Variants in ANKFN1 observed in about 807,000 individuals in gnomAD.
ANKFN1 encodes the protein ankyrin repeat and fibronectin type III domain containing 1.
A neutral mutation model predicts 108.7 loss-of-function variants in ANKFN1; 74 were observed. That is an observed-to-expected ratio of 0.68 (90% CI 0.56 to 0.83). ANKFN1 has a LOEUF of 0.83. Among genes scored for constraint, ANKFN1 ranks in the 40% least tolerant of loss-of-function variants. The pLI, the probability that ANKFN1 is intolerant of heterozygous loss-of-function variation, is 0.00. For synonymous variants in ANKFN1, 547 were observed against 516.2 expected, an observed-to-expected ratio of 1.06 and a Z score of -0.81; for missense variants, 1,505 against 1,382.3, an observed-to-expected ratio of 1.09 and a Z score of -1.41.
At chr17:56,232,508 A>T (rs998665226) in intron 3 of ANKFN1, among the ~76,000 whole-genome samples, 5 of 152,174 alleles carry the variant, frequency 3.3e-5, no homozygotes, top group African/African-American at 1.2e-4. Context: ...TGCAAAATAT[A>T]TTTATCCATG....
chr17:56,385,479 T>C (rs1248593041), intron 8 of ANKFN1, among the ~76,000 whole-genome samples: 1 of 152,096 alleles, frequency 6.6e-6, no homozygotes, highest in Non-Finnish European at 1.5e-5. Flanking sequence ...TGGGATCTAA[T>C]TAAACTAAAG....
intron 4 of ANKFN1, among the ~76,000 whole-genome samples, chr17:56,072,220 T>G (rs954397550): frequency 2.6e-5 from 4 of 152,228 alleles, no homozygotes; most frequent in African/African-American, 9.6e-5. Flanking sequence ...TTTCTTCTTA[T>G]TTTTTCAATT....
At chr17:56,496,162 C>T (rs1414083657) in intron 19 of ANKFN1, among the ~76,000 whole-genome samples, 1 of 152,042 alleles carries the variant, frequency 6.6e-6, no homozygotes, top group Non-Finnish European at 1.5e-5. Flanking sequence ...CACAGGCCTC[C>T]CTATACCCAT....
chr17:56,100,797 G>A (rs924000073), intron 4 of ANKFN1, among the ~76,000 whole-genome samples: 5 of 152,186 alleles, frequency 3.3e-5, no homozygotes, highest in Non-Finnish European at 7.3e-5. Context: ...CCAAATTTAG[G>A]ATGTAGTGAA....
At chr17:56,137,447 T>C (rs569764689) in intron 4 of ANKFN1, among the ~76,000 whole-genome samples, 1 of 152,298 alleles carries the variant, frequency 6.6e-6, no homozygotes, top group East Asian at 1.9e-4. Context: ...TAAGCCCTCG[T>C]AGAAACTTCC....
chr17:56,201,527 A>C (rs945275633), intron 1 of ANKFN1, among the ~76,000 whole-genome samples: 2 of 152,226 alleles, frequency 1.3e-5, no homozygotes, highest in African/African-American at 4.8e-5. Context: ...CCAGCAGCAC[A>C]GTGTCTGACA....
chr17:56,293,718 A>G (rs2044431081), intron 3 of ANKFN1, among the ~76,000 whole-genome samples: 1 of 152,216 alleles, frequency 6.6e-6, no homozygotes, highest in Admixed American at 6.5e-5. Flanking sequence ...TTCTACTCTG[A>G]GATTTGATTG....
At chr17:56,429,241 T>C (rs2048673802) in intron 8 of ANKFN1, among the ~76,000 whole-genome samples, 1 of 152,126 alleles carries the variant, frequency 6.6e-6, no homozygotes, top group Non-Finnish European at 1.5e-5. Flanking sequence ...TTGGTAGAAA[T>C]CACTTACTAA....
At chr17:56,149,051 G>T (rs1297866408), upstream of ANKFN1, among the ~76,000 whole-genome samples, 1 of 152,126 alleles carries the variant, frequency 6.6e-6, no homozygotes, top group African/African-American at 2.4e-5. Context: ...ACATAAACTT[G>T]GGTCTGTGTG....
At chr17:56,137,225 A>G (rs1312435643) in intron 4 of ANKFN1, among the ~76,000 whole-genome samples, 1 of 152,254 alleles carries the variant, frequency 6.6e-6, no homozygotes, top group Non-Finnish European at 1.5e-5. Flanking sequence ...GTTTCCCAGC[A>G]GAAAATGTGA....
intron 6 of ANKFN1, among the ~76,000 whole-genome samples, chr17:56,355,480 T>C (rs1035245600): frequency 1.3e-5 from 2 of 151,910 alleles, no homozygotes; most frequent in Admixed American, 6.6e-5. Flanking sequence ...AGAATGATGA[T>C]TGAGAGAGAA....
chr17:56,410,377 G>A (rs376283412), intron 8 of ANKFN1, among the ~76,000 whole-genome samples: 2 of 152,160 alleles, frequency 1.3e-5, no homozygotes, highest in Non-Finnish European at 2.9e-5. Context: ...TTACAGGCAT[G>A]AGCCACCATG....
At chr17:56,481,137 G>C (rs111973770) in intron 17 of ANKFN1, among the ~76,000 whole-genome samples, 1 of 150,022 alleles carries the variant, frequency 6.7e-6, no homozygotes, top group Non-Finnish European at 1.5e-5. Context: ...AGACAACCAG[G>C]CTCAGCTTCA....
intron 3 of ANKFN1, among the ~76,000 whole-genome samples, chr17:56,320,658 G>C (rs11079217): frequency 0.19 from 28,978 of 152,058 alleles, 3,707 homozygotes; most frequent in East Asian, 0.54. Context: ...GGACAAGAAG[G>C]CTTTTCAGAA....
At position 56,374,705 on chromosome 17, in the gene ANKFN1, A is replaced by C. The variant is rs777480201; in HGVS notation, c.901A>C (p.Arg301=). 1 of 1,611,472 alleles carries C rather than the reference A, an allele frequency of 6.2e-7. No homozygotes were observed. Among genetic ancestry groups the C allele is most frequent in the Non-Finnish European group, 8.5e-7 (1 of 1,177,984 alleles). Residue 301 remains arginine, a synonymous_variant, in exon 8 of 21, where the codon AGG becomes CGG. Transcript: ENST00000682825. ...PLSVNAAVVT[R]YKVEWSMSED... Reference sequence around the variant, plus strand: ...TAGCGTCAATGCAGCTGTAGTAACCAGGTATAAAGGTACTGGACCCAAGAC... The same window carrying C: ...TAGCGTCAATGCAGCTGTAGTAACCCGGTATAAAGGTACTGGACCCAAGAC...
intron 19 of ANKFN1, among the ~76,000 whole-genome samples, chr17:56,494,111 G>A (rs1158756012): frequency 3.3e-5 from 5 of 152,096 alleles, no homozygotes; most frequent in Non-Finnish European, 7.4e-5. Flanking sequence ...TGAGATTCGA[G>A]GTGTTTGAAA....
intron 4 of ANKFN1, among the ~76,000 whole-genome samples, chr17:56,096,543 AGAG>A (rs1905538743): frequency 6.6e-6 from 1 of 152,202 alleles, no homozygotes; most frequent in Non-Finnish European, 1.5e-5. Flanking sequence ...GGATAATGGA[AGAG>A]GAACAACAGA....
At chr17:56,238,527 T>G (rs544257052) in intron 3 of ANKFN1, among the ~76,000 whole-genome samples, 1 of 152,292 alleles carries the variant, frequency 6.6e-6, no homozygotes, top group Non-Finnish European at 1.5e-5. Flanking sequence ...CCCTTTACTA[T>G]TATGTAATGC....
chr17:56,412,429 G>A (rs778668861), intron 8 of ANKFN1, among the ~76,000 whole-genome samples: 2 of 152,176 alleles, frequency 1.3e-5, no homozygotes, highest in Admixed American at 6.5e-5. Flanking sequence ...GTCTGTGAGG[G>A]TGTTGCCAAA....
Sources: allele counts gnomAD v4.1 joint callset (sites outside exome capture counted in the v4.1 genomes callset), GRCh38; gene constraint gnomAD v4.1.1; transcripts MANE v1.5; gene names NCBI Gene and HGNC (gene_info 2026-07-23, HGNC 2026-07-21).